The following GSTM2 variants were observed in gnomAD, a reference collection of about 807,000 sequenced individuals.
GSTM2 encodes GST class-mu 2.
GSTM2 carries 33 observed loss-of-function variants against 33.3 expected under a neutral mutation model. The ratio of observed to expected loss-of-function variants is 0.99; its 90% CI spans 0.75 to 1.33. The LOEUF is 1.33. GSTM2 is among the 40% of genes most tolerant of loss of function. GSTM2 has a pLI of 0.00. For synonymous variants in GSTM2, 93 were observed against 95.6 expected (o/e 0.97, Z 0.16); for missense variants, 213 against 265.8 (o/e 0.80, Z 1.38).
intron 7 of GSTM2, among the ~76,000 whole-genome samples, chr1:109,672,202 C>T (rs567781845): frequency 2.6e-5 from 4 of 152,144 alleles, no homozygotes; most frequent in South Asian, 2.1e-4. Context: ...ATCTCTTGAA[C>T]CTGGGAGGCG....
chr1:109,680,399 A>C (rs1468551644), intron 7 of GSTM2, among the ~76,000 whole-genome samples: 1 of 151,242 alleles, frequency 6.6e-6, no homozygotes, highest in East Asian at 2.0e-4. Context: ...CTATATGGAA[A>C]GCACTGTCTG....
rs1448333104 is a variant in GSTM2, at chr1:109,682,515, C to T, written c.567+10932C>T. ...TTGGCCTCCCAAAGTGTGGGGATTACAGGCGTGTAGTTACCTAACTTTTAA... is the reference window on the plus strand; with the variant it reads ...TTGGCCTCCCAAAGTGTGGGGATTATAGGCGTGTAGTTACCTAACTTTTAA... On this transcript the variant is annotated intron_variant, in intron 7 of 7. Transcript: ENST00000369831. 2.7e-5 allele frequency among the ~76,000 whole-genome samples: 3 copies of T among 110,426 alleles called. 1 individual carries two copies. The highest frequency in any genetic ancestry group is 8.2e-5 in the African/African-American group (3 of 36,450). 72.4% of individuals were successfully genotyped at this position (110,426 alleles called of 152,430 possible).
chr1:109,673,560 TAGGTAAG>T (rs1647617737), intron 7 of GSTM2: 1 of 354,662 alleles, frequency 2.8e-6, no homozygotes, highest in Non-Finnish European at 5.4e-6. Context: ...GCCTTGGAGT[TAGGTAAG>T]AGGTGGTGGG....
intron 7 of GSTM2, among the ~76,000 whole-genome samples, chr1:109,672,702 A>G (rs1020505959): frequency 1.3e-5 from 2 of 152,220 alleles, no homozygotes; most frequent in Admixed American, 1.3e-4. Flanking sequence ...ACCCACAGGC[A>G]GTATTCACAG....
At chr1:109,680,301 C>G (rs977469883) in intron 7 of GSTM2, among the ~76,000 whole-genome samples, 2 of 143,500 alleles carry the variant, frequency 1.4e-5, no homozygotes, top group Non-Finnish European at 3.0e-5. Context: ...AAAAAATACA[C>G]AAGTGGGTCA....
At chr1:109,675,606 C>A (rs1006080508), downstream of GSTM2, among the ~76,000 whole-genome samples, 19 of 152,142 alleles carry the variant, frequency 1.2e-4, no homozygotes, top group African/African-American at 4.6e-4. Context: ...GGGGTGGAAT[C>A]TCCATCAGAG....
chr1:109,679,063 C>G (rs1375298573), downstream of GSTM2, among the ~76,000 whole-genome samples: 1 of 152,048 alleles, frequency 6.6e-6, no homozygotes, highest in African/African-American at 2.4e-5. Flanking sequence ...TCTCCAGAGA[C>G]AATAACTTAA....
intron 3 of GSTM2, 104 bp from the exon 4 acceptor site, chr1:109,669,186 T>C (rs1159041538): frequency 5.1e-6 from 7 of 1,381,324 alleles, no homozygotes; most frequent in East Asian, 2.3e-5. Flanking sequence ...ATCTCAGGCC[T>C]GCCATGAGCA....
At chr1:109,671,237 T>C (rs750639596) in intron 5 of GSTM2, 50 bp from the exon 6 acceptor site, 1 of 1,349,070 alleles carries the variant, frequency 7.4e-7, no homozygotes, top group Non-Finnish European at 1.1e-6. Context: ...AGGCCGCATC[T>C]GTGCAGGGAG....
intron 2 of GSTM2, 52 bp downstream of exon 2, chr1:109,668,552 A>G (rs1647416893): frequency 6.3e-7 from 1 of 1,599,414 alleles, no homozygotes; most frequent in Non-Finnish European, 8.6e-7. Context: ...AGTTGGCACC[A>G]AGCAACCGAT....
chr1:109,668,264 C>CG (rs2101242135), intron 1 of GSTM2, 113 bp downstream of exon 1: 1 of 1,222,190 alleles, frequency 8.2e-7, no homozygotes, highest in Non-Finnish European at 1.2e-6. Flanking sequence ...TCCCTGACAG[C>CG]GGGGTCTGTG....
Position 109,669,486 on chromosome 1 carries a change from A to G in GSTM2, c.275A>G (p.Lys92Arg). ...RKHNLCGESE[K>R]EQIREDILEN... ...ACGAGGGTAGGCGGGGAATCAGAAA[A>G]GGAGCAGATTCGCGAAGACATTTTG... Residue 92 changes from lysine to arginine, a missense_variant, in exon 5 of 8, where the codon AAG (lysine) becomes AGG (arginine). Transcript: ENST00000241337. The G allele has an allele frequency of 6.2e-7, 1 of 1,614,032 alleles. No individual in the cohort carries two copies. Among genetic ancestry groups the G allele is most frequent in the Non-Finnish European group, 8.5e-7 (1 of 1,179,904 alleles).
intron 5 of GSTM2, chr1:109,669,836 A>G: frequency 2.2e-6 from 1 of 450,904 alleles, no homozygotes; most frequent in Non-Finnish European, 4.0e-6. Context: ...GTGAAGCCGC[A>G]GACCTTCGCA....
intron 2 of GSTM2, 64 bp from the exon 3 acceptor site, chr1:109,668,861 G>C (rs1208343854): frequency 1.0e-5 from 16 of 1,586,814 alleles, no homozygotes; most frequent in South Asian, 2.2e-5. Flanking sequence ...TCCTTGGGAG[G>C]GTCCCCAGGA....
intron 7 of GSTM2, among the ~76,000 whole-genome samples, chr1:109,672,746 A>T (rs752926607): frequency 2.6e-5 from 4 of 152,026 alleles, no homozygotes; most frequent in Non-Finnish European, 5.9e-5. Flanking sequence ...TTGAACCCCC[A>T]TGTGGGGAAT....
intron 1 of GSTM2, 36 bp from the exon 2 acceptor site, chr1:109,668,389 C>A: frequency 2.5e-6 from 4 of 1,606,350 alleles, no homozygotes; most frequent in Non-Finnish European, 3.4e-6. Flanking sequence ...CAGGGACCCT[C>A]CATCTCTGAC....
chr1:109,671,199 G>A, intron 5 of GSTM2, 88 bp from the exon 6 acceptor site: 1 of 904,346 alleles, frequency 1.1e-6, no homozygotes, highest in South Asian at 1.3e-5. Context: ...CTTGCCCGCG[G>A]CCAGCTGGGG....
In GSTM2 at chr1:109,668,919, C is replaced by T; in HGVS notation, c.113-6C>T. 6.2e-7 allele frequency: 1 copy of T among 1,612,298 alleles called. No homozygotes were observed. Among genetic ancestry groups the T allele is most frequent in the Non-Finnish European group, 8.5e-7 (1 of 1,179,852 alleles). Reference sequence around the variant, plus strand: ...GTTTGTTTTCACTTCATCTTCCCCACCACAGCTCCTGATTATGACAGAAGC... The same window carrying T: ...GTTTGTTTTCACTTCATCTTCCCCATCACAGCTCCTGATTATGACAGAAGC... On this transcript the variant is annotated splice_region_variant and splice_polypyrimidine_tract_variant and intron_variant, in intron 2 of 7. Transcript: ENST00000241337.
intron 5 of GSTM2, among the ~76,000 whole-genome samples, chr1:109,670,396 A>C (rs1647495763): frequency 2.6e-5 from 4 of 152,116 alleles, no homozygotes; most frequent in Admixed American, 2.6e-4. Context: ...TGCCAAATAC[A>C]CGGGTCCTGT....
Sources: gnomAD v4.1 joint callset for allele counts (sites outside exome capture counted in the v4.1 genomes callset) on GRCh38, gnomAD v4.1.1 for gene constraint, MANE v1.5 for transcripts, NCBI Gene and HGNC (gene_info 2026-07-23, HGNC 2026-07-21) for gene names.